CDK12: variants seen among roughly 807,000 people sequenced by gnomAD.
CDK12 encodes cyclin-dependent kinase 12.
A neutral mutation model predicts 133.8 loss-of-function variants in CDK12; 17 were observed. The observed-to-expected ratio is 0.13, with a 90% CI of 0.09 to 0.19. The LOEUF is 0.19. CDK12 is among the 10% of genes least tolerant of loss of function. The pLI is 1.00. For missense variants in CDK12, 1,508 were observed against 1,818.7 expected (o/e 0.83, Z 3.11); for synonymous variants, 694 against 683.6 (o/e 1.02, Z -0.24).
At chr17:39,541,345 GGAGTTT>G (rs1435051059) in intron 1 of CDK12, among the ~76,000 whole-genome samples, 1 of 151,714 alleles carries the variant, frequency 6.6e-6, no homozygotes, top group Non-Finnish European at 1.5e-5. Context: ...CTTAATGGGA[GGAGTTT>G]GAGTTTGGCT....
At chr17:39,486,598 C>T (rs1163720065) in intron 2 of CDK12, among the ~76,000 whole-genome samples, 2 of 151,988 alleles carry the variant, frequency 1.3e-5, no homozygotes, top group Middle Eastern at 3.2e-3. Context: ...GAAGCCAAAC[C>T]AAGAAGAAAT....
In CDK12 at chr17:39,532,118, C is replaced by CTT. The variant is rs1567794426; in HGVS notation, c.*803_*804insTT. The CTT allele has an allele frequency of 9.3e-6, 2 of 216,022 alleles. No individual in the cohort carries two copies. Among genetic ancestry groups the CTT allele is most frequent in the Non-Finnish European group, 1.9e-5 (2 of 106,318 alleles). 13.4% of individuals were successfully genotyped at this position (216,022 alleles called of 1,614,324 possible). On this transcript the variant is annotated 3_prime_UTR_variant, in exon 14 of 14. Transcript: ENST00000447079. ...TCTCTCTCTTTCTCTCTCTCTCTCTCTCTCTCTCTCTCTCTCTCTCTCTCT... is the reference window on the plus strand; with the variant it reads ...TCTCTCTCTTTCTCTCTCTCTCTCTCTTTCTCTCTCTCTCTCTCTCTCTCTCT...
chr17:39,505,053 A>G, intron 6 of CDK12, among the ~76,000 whole-genome samples: 1 of 150,110 alleles, frequency 6.7e-6, no homozygotes, highest in East Asian at 2.0e-4. Context: ...ACATGGTAAA[A>G]CCCCGTCTCT....
chr17:39,481,625 GCTCGCGCGCTCTCTCTCTCTCT>G (rs2050659825), intron 2 of CDK12, among the ~76,000 whole-genome samples: 4 of 100,700 alleles, frequency 4.0e-5, no homozygotes, highest in African/African-American at 1.5e-4. Context: ...GTGCTTGCTC[GCTCGCGCGCTCTCTCTCTCTCT>G]CTCTCTCTCT....
chr17:39,516,197 T>C (rs990263802), intron 9 of CDK12, among the ~76,000 whole-genome samples: 2 of 152,122 alleles, frequency 1.3e-5, no homozygotes, highest in African/African-American at 4.8e-5. Flanking sequence ...CTTCAAAGAA[T>C]TCAGAGTTTA....
chr17:39,510,879 C>T (rs2053457304), intron 7 of CDK12, among the ~76,000 whole-genome samples: 1 of 147,262 alleles, frequency 6.8e-6, no homozygotes, highest in Non-Finnish European at 1.5e-5. Context: ...TCCCAAAGTG[C>T]TGGGATTACG....
At chr17:39,530,431 AC>A in intron 13 of CDK12, 172 bp from the exon 14 acceptor site, 1 of 866,046 alleles carries the variant, frequency 1.2e-6, no homozygotes, top group Non-Finnish European at 1.7e-6. Flanking sequence ...CAACTGTTTT[AC>A]TTTTAATCAC....
At chr17:39,558,920 A>G (rs2056265106) in intron 3 of CDK12, among the ~76,000 whole-genome samples, 1 of 152,258 alleles carries the variant, frequency 6.6e-6, no homozygotes, top group South Asian at 2.1e-4. Flanking sequence ...TTGGGATTAC[A>G]GGTGTGAGCC....
chr17:39,562,290 G>C (rs1207320786), intron 3 of CDK12, among the ~76,000 whole-genome samples: 1 of 152,190 alleles, frequency 6.6e-6, no homozygotes, highest in African/African-American at 2.4e-5. Context: ...AACAACTAGA[G>C]ATACCCATTC....
intron 1 of CDK12, among the ~76,000 whole-genome samples, chr17:39,463,739 TTTC>T (rs1385391134): frequency 6.6e-6 from 1 of 151,990 alleles, no homozygotes; most frequent in African/African-American, 2.4e-5. Flanking sequence ...ACAATTTGGT[TTTC>T]TTTACAGCAT....
chr17:39,555,995 C>A (rs1467417431), intron 2 of CDK12, among the ~76,000 whole-genome samples: 2 of 149,672 alleles, frequency 1.3e-5, no homozygotes, highest in African/African-American at 2.5e-5. Context: ...GATTGTGCCA[C>A]CATACTCCAG....
intron 7 of CDK12, 149 bp from the exon 8 acceptor site, chr17:39,511,380 C>T (rs2053499763): frequency 7.2e-6 from 4 of 558,592 alleles, no homozygotes; most frequent in African/African-American, 3.8e-5. Context: ...TACTTCTGAA[C>T]AGTTTGCTTT....
intron 13 of CDK12, chr17:39,530,390 T>C: frequency 1.8e-6 from 1 of 556,748 alleles, no homozygotes; most frequent in African/African-American, 1.9e-5. Flanking sequence ...AAACATATGA[T>C]ATTTTTACAC....
chr17:39,535,167 G>T (rs954810253), downstream of CDK12: 3 of 152,156 alleles, frequency 2.0e-5, no homozygotes, highest in African/African-American at 7.2e-5. Flanking sequence ...TAGAACACAG[G>T]ATAAATTTGC....
At chr17:39,505,523 C>CAA (rs369918356) in intron 6 of CDK12, among the ~76,000 whole-genome samples, 10,297 of 96,462 alleles carry the variant, frequency 0.11, 977 homozygotes, top group African/African-American at 0.16. Flanking sequence ...GACTCCGTCT[C>CAA]AAAAAAAAAA....
intron 7 of CDK12, among the ~76,000 whole-genome samples, chr17:39,510,358 A>G (rs1272958916): frequency 6.6e-6 from 1 of 151,680 alleles, no homozygotes; most frequent in Non-Finnish European, 1.5e-5. Flanking sequence ...TGACCTCGTG[A>G]TTCATCTGCC....
Position 39,511,405 on chromosome 17 carries a change from G to A in CDK12, c.2667-124G>A, listed in dbSNP as rs1235166270. 9.8e-6 allele frequency: 6 copies of A among 614,394 alleles called. No homozygotes were observed. In the African/African-American group the frequency reaches 1.1e-4, roughly 11 times the overall value. 38.1% of individuals were successfully genotyped at this position (614,394 alleles called of 1,614,324 possible). ...CAGTTTGCTTTTGGAGTGTTAGGTT[G>A]CTCTGGATTTGTTTTTCAGTCTCAT... On this transcript the variant is annotated intron_variant, in intron 7 of 13. Coordinates refer to ENST00000447079, the MANE Select transcript of CDK12 (RefSeq NM_016507.4).
chr17:39,499,294 G>A (rs189035146), intron 5 of CDK12, among the ~76,000 whole-genome samples: 2 of 143,226 alleles, frequency 1.4e-5, no homozygotes, highest in African/African-American at 2.6e-5. Context: ...TGCAACCTCC[G>A]CCTCCTGGGT....
chr17:39,471,123 G>A lies in CDK12; in HGVS notation c.1291G>A (p.Glu431Lys), dbSNP rs1265808600. ...KGSPVFLPRK[E>K]NSSVEAKDSG... ...TTCACCTGTATTTTTGCCTAGAAAA[G>A]AGAACAGTTCAGTAGAGGCTAAGGA... Residue 431 changes from glutamate (E) to lysine (K), a missense_variant, in exon 2 of 14, where the codon GAG becomes AAG. Glu to Lys is a moderately conservative substitution (Grantham distance 56, BLOSUM62 1). This residue lies in a region of CDK12 where 347 missense variants were observed against 330.8 expected (regional missense o/e 1.05). Transcript: ENST00000447079. The A allele has an allele frequency of 3.7e-6, 6 of 1,607,076 alleles. No individual in the cohort carries two copies. The highest frequency in any genetic ancestry group is 2.2e-5 in the East Asian group (1 of 44,862).
Sources: allele counts gnomAD v4.1 joint callset (sites outside exome capture counted in the v4.1 genomes callset), GRCh38; gene constraint gnomAD v4.1.1; regional missense constraint gnomAD v4.1.1; transcripts MANE v1.5; gene names NCBI Gene and HGNC (gene_info 2026-07-23, HGNC 2026-07-21).